ZNF385B: variants seen among roughly 807,000 people sequenced by gnomAD.
ZNF385B encodes the protein zinc finger protein 533.
A neutral mutation model predicts 39.2 loss-of-function variants in ZNF385B; 23 were observed. The observed-to-expected ratio is 0.59, with a 90% CI of 0.42 to 0.83. The LOEUF is 0.83. ZNF385B is among the 40% of genes least tolerant of loss of function. ZNF385B has a pLI of 0.00. For synonymous variants in ZNF385B, 205 were observed against 222.6 expected (o/e 0.92, Z 0.70); for missense variants, 552 against 598.9 (o/e 0.92, Z 0.82).
intron 4 of ZNF385B, among the ~76,000 whole-genome samples, chr2:179,535,883 T>A (rs2059532952): frequency 6.6e-6 from 1 of 152,184 alleles, no homozygotes; most frequent in Non-Finnish European, 1.5e-5. Context: ...CCAAAGCATG[T>A]CTCTCCAACC....
intron 3 of ZNF385B, among the ~76,000 whole-genome samples, chr2:179,608,451 A>T (rs1689007134): frequency 6.6e-6 from 1 of 152,176 alleles, no homozygotes. Flanking sequence ...CTGCTGAGTG[A>T]CCTGCTGTGC....
At chr2:179,729,503 C>T (rs903891417) in intron 3 of ZNF385B, among the ~76,000 whole-genome samples, 3 of 152,188 alleles carry the variant, frequency 2.0e-5, no homozygotes, top group Non-Finnish European at 4.4e-5. Flanking sequence ...TTTTCAAGTT[C>T]AGAGATATAT....
At chr2:179,621,828 C>T (rs573721759) in intron 3 of ZNF385B, among the ~76,000 whole-genome samples, 112 of 152,114 alleles carry the variant, frequency 7.4e-4, no homozygotes, top group Middle Eastern at 3.2e-3. Context: ...ACTTCGGAAA[C>T]AAAATGAAAA....
At chr2:179,688,100 G>T (rs1356678813) in intron 3 of ZNF385B, among the ~76,000 whole-genome samples, 21 of 152,130 alleles carry the variant, frequency 1.4e-4, no homozygotes, top group Non-Finnish European at 5.9e-5. Flanking sequence ...CTCAAGGAGG[G>T]TTTTGTTGCC....
chr2:179,590,381 G>T (rs2106068549), intron 3 of ZNF385B, among the ~76,000 whole-genome samples: 1 of 152,250 alleles, frequency 6.6e-6, no homozygotes, highest in Admixed American at 6.5e-5. Flanking sequence ...CCTGGCAACT[G>T]GTACTTCTAC....
At chr2:179,758,286 T>C (rs1295712080) in intron 3 of ZNF385B, among the ~76,000 whole-genome samples, 1 of 152,166 alleles carries the variant, frequency 6.6e-6, no homozygotes, top group Non-Finnish European at 1.5e-5. Flanking sequence ...TTATGAAGGC[T>C]AAGAAGTCCA....
chr2:179,582,937 C>T (rs1482839246), intron 3 of ZNF385B, among the ~76,000 whole-genome samples: 1 of 152,140 alleles, frequency 6.6e-6, no homozygotes, highest in African/African-American at 2.4e-5. Context: ...GCAACCTCTG[C>T]CTCCTGGGTT....
chr2:179,798,718 T>C (rs546016896), intron 1 of ZNF385B, among the ~76,000 whole-genome samples: 1 of 152,164 alleles, frequency 6.6e-6, no homozygotes, highest in African/African-American at 2.4e-5. Context: ...TTGGTAAGTA[T>C]AGTCAAATTA....
intron 1 of ZNF385B, among the ~76,000 whole-genome samples, chr2:179,822,356 T>C (rs1321701139): frequency 6.6e-6 from 1 of 152,236 alleles, no homozygotes; most frequent in East Asian, 1.9e-4. Flanking sequence ...CACTAACGTG[T>C]AAAACATTTA....
Position 179,653,480 on chromosome 2 carries a change from C to T in ZNF385B, c.299-108511G>A, listed in dbSNP as rs538371525. ...CCCTTCCTTTTCAGGAATGGGGAGA[C>T]TTATGGCGGGTTAATAAGTACCTTA... is the stretch of plus-strand genomic sequence containing the variant. On this transcript the variant is annotated intron_variant, in intron 3 of 9. Transcript: ENST00000410066. Among the ~76,000 whole-genome samples the T allele has an allele frequency of 3.9e-5, 6 of 152,236 alleles. No individual in the cohort carries two copies. The East Asian group carries it at 1.2e-3, about 29-fold the overall frequency.
intron 6 of ZNF385B, among the ~76,000 whole-genome samples, chr2:179,447,062 C>T (rs1237832485): frequency 6.6e-6 from 1 of 152,082 alleles, no homozygotes; most frequent in Non-Finnish European, 1.5e-5. Flanking sequence ...TCATAAATTA[C>T]TCTACAAGGA....
chr2:179,617,784 G>A (rs937510141), intron 3 of ZNF385B, among the ~76,000 whole-genome samples: 10 of 152,086 alleles, frequency 6.6e-5, no homozygotes, highest in African/African-American at 2.4e-4. Context: ...TACTGGTGGG[G>A]GTTGGGCTTC....
intron 3 of ZNF385B, among the ~76,000 whole-genome samples, chr2:179,769,301 G>A (rs1231069814): frequency 6.6e-6 from 1 of 152,218 alleles, no homozygotes; most frequent in African/African-American, 2.4e-5. Flanking sequence ...ATGTGTGTGT[G>A]CCAGTGTGTA....
intron 6 of ZNF385B, among the ~76,000 whole-genome samples, chr2:179,455,046 CCACT>C (rs956719288): frequency 6.6e-6 from 1 of 152,174 alleles, no homozygotes; most frequent in Non-Finnish European, 1.5e-5. Flanking sequence ...TTCACATTCA[CCACT>C]CACTCACTGA....
At chr2:179,677,396 G>C (rs1696982075) in intron 3 of ZNF385B, among the ~76,000 whole-genome samples, 1 of 152,184 alleles carries the variant, frequency 6.6e-6, no homozygotes, top group Non-Finnish European at 1.5e-5. Context: ...AACAGGAAGT[G>C]AAGTTAAAAG....
intron 6 of ZNF385B, among the ~76,000 whole-genome samples, chr2:179,455,126 A>T (rs1164955227): frequency 6.6e-6 from 1 of 151,972 alleles, no homozygotes; most frequent in African/African-American, 2.4e-5. Context: ...CAAGTATGCC[A>T]TTTTTTTATC....
chr2:179,852,783 C>A (rs1341279738), intron 1 of ZNF385B, among the ~76,000 whole-genome samples: 1 of 152,164 alleles, frequency 6.6e-6, no homozygotes, highest in African/African-American at 2.4e-5. Context: ...CTGCCTCAGA[C>A]CTAGTGAGTC....
At chr2:179,517,072 C>T (rs1253716433) in intron 5 of ZNF385B, among the ~76,000 whole-genome samples, 2 of 151,990 alleles carry the variant, frequency 1.3e-5, no homozygotes, top group East Asian at 1.9e-4. Flanking sequence ...GAGTCTATTT[C>T]TGGACTCTGT....
intron 4 of ZNF385B, among the ~76,000 whole-genome samples, chr2:179,533,156 G>A (rs1330082947): frequency 1.3e-5 from 2 of 152,148 alleles, no homozygotes; most frequent in African/African-American, 4.8e-5. Flanking sequence ...ATCCATTAAA[G>A]GGGCCAGGCC....
Sources: gnomAD v4.1 joint callset for allele counts (sites outside exome capture counted in the v4.1 genomes callset) on GRCh38, gnomAD v4.1.1 for gene constraint, MANE v1.5 for transcripts, NCBI Gene and HGNC (gene_info 2026-07-23, HGNC 2026-07-21) for gene names.